The following HS3ST2 variants were observed in gnomAD, a reference collection of about 807,000 sequenced individuals.
HS3ST2 encodes heparan sulfate-glucosamine 3-sulfotransferase 2, also known as heparan sulfate glucosamine 3-O-sulfotransferase 2.
In HS3ST2, 17 loss-of-function variants were observed where a neutral mutation model predicts 26.3. The ratio of observed to expected loss-of-function variants is 0.65; its 90% CI spans 0.44 to 0.97. The LOEUF is 0.97. HS3ST2 is among the 50% of genes least tolerant of loss of function. HS3ST2 has a pLI of 0.00. For missense variants in HS3ST2, 402 were observed against 501.2 expected (o/e 0.80, Z 1.89); for synonymous variants, 237 against 219.2 (o/e 1.08, Z -0.72).
At chr16:22,891,284 C>A (rs117384048) in intron 1 of HS3ST2, among the ~76,000 whole-genome samples, 1 of 152,192 alleles carries the variant, frequency 6.6e-6, no homozygotes, top group East Asian at 1.9e-4. Flanking sequence ...GCGCCTACTA[C>A]GCATCAGAAC....
chr16:22,814,770 C>A lies in HS3ST2; in HGVS notation c.160C>A (p.Arg54Ser), dbSNP rs1900831989. ...TCGGAGCCGCCTCCTCGGCGCGCCT[C>A]GCTGCCTCCGCGGCCCCAGCGCGGG... Reference protein sequence around the residue: ...LGRSRLLGAPRCLRGPSAGGQ... With the variant: ...LGRSRLLGAPSCLRGPSAGGQ... The change falls in exon 1 of 2, where the codon CGC (arginine) becomes AGC (serine). Residue 54 changes from arginine to serine, a missense_variant. Transcript: ENST00000261374. 3 of 1,603,292 alleles carry A rather than the reference C, an allele frequency of 1.9e-6. No individual in the cohort carries two copies. The highest frequency in any genetic ancestry group is 8.5e-7 in the Non-Finnish European group (1 of 1,176,378).
chr16:22,857,705 TC>T (rs112654683), intron 1 of HS3ST2, among the ~76,000 whole-genome samples: 3 of 152,342 alleles, frequency 2.0e-5, no homozygotes, highest in African/African-American at 4.8e-5. Flanking sequence ...AATTTTTTTT[TC>T]CTGCTGGTTT....
At chr16:22,868,499 T>G (rs930992205) in intron 1 of HS3ST2, among the ~76,000 whole-genome samples, 7 of 151,136 alleles carry the variant, frequency 4.6e-5, no homozygotes, top group African/African-American at 1.7e-4. Flanking sequence ...TTATACAAGA[T>G]CTTCATTTTT....
chr16:22,895,217 G>A (rs946662884), intron 1 of HS3ST2, among the ~76,000 whole-genome samples: 1 of 151,940 alleles, frequency 6.6e-6, no homozygotes, highest in African/African-American at 2.4e-5. Flanking sequence ...AGCCTCCCGA[G>A]TAGCTGGGAT....
chr16:22,859,395 C>T (rs1901645720), intron 1 of HS3ST2, among the ~76,000 whole-genome samples: 1 of 152,120 alleles, frequency 6.6e-6, no homozygotes, highest in Non-Finnish European at 1.5e-5. Context: ...GATATTGGGG[C>T]CTCACACGTT....
chr16:22,910,037 C>CAA (rs774757407), intron 1 of HS3ST2, among the ~76,000 whole-genome samples: 11,205 of 96,994 alleles, frequency 0.12, 1,297 homozygotes, highest in East Asian at 0.35. Flanking sequence ...AACTCCATCT[C>CAA]AAAAAAAAAA....
chr16:22,865,885 C>A (rs1353126337), intron 1 of HS3ST2, among the ~76,000 whole-genome samples: 1 of 152,002 alleles, frequency 6.6e-6, no homozygotes, highest in Non-Finnish European at 1.5e-5. Context: ...TATTAGCATG[C>A]CTCATAATAT....
At chr16:22,883,332 T>A (rs997799000) in intron 1 of HS3ST2, among the ~76,000 whole-genome samples, 1 of 151,962 alleles carries the variant, frequency 6.6e-6, no homozygotes, top group Admixed American at 6.6e-5. Flanking sequence ...CCAGAAAAAA[T>A]TGGAGAGGCC....
chr16:22,867,391 A>G (rs1901771883), intron 1 of HS3ST2, among the ~76,000 whole-genome samples: 1 of 152,242 alleles, frequency 6.6e-6, no homozygotes, highest in African/African-American at 2.4e-5. Flanking sequence ...CTACATAAAA[A>G]TGTAAAATAT....
chr16:22,845,774 C>T (rs1205675225), intron 1 of HS3ST2, among the ~76,000 whole-genome samples: 1 of 152,196 alleles, frequency 6.6e-6, no homozygotes, highest in East Asian at 1.9e-4. Context: ...ACACAAGAAG[C>T]AACTTAGTAG....
intron 1 of HS3ST2, among the ~76,000 whole-genome samples, chr16:22,815,666 C>T (rs139318814): frequency 7.0e-4 from 106 of 152,220 alleles, no homozygotes; most frequent in African/African-American, 2.4e-3. Context: ...GGGGCTGAGA[C>T]CCCCAGTAGC....
intron 1 of HS3ST2, among the ~76,000 whole-genome samples, chr16:22,824,661 G>A (rs973472635): frequency 5.3e-5 from 8 of 152,192 alleles, no homozygotes; most frequent in African/African-American, 1.9e-4. Context: ...GATCAAGAGC[G>A]GAAGACAATG....
chr16:22,822,407 A>C (rs909172742), intron 1 of HS3ST2, among the ~76,000 whole-genome samples: 1 of 152,058 alleles, frequency 6.6e-6, no homozygotes, highest in Non-Finnish European at 1.5e-5. Context: ...GGCTCAAGCA[A>C]TCCTTCTGCC....
At chr16:22,914,736 C>CAAAAAAAAAAAAAAAA (rs1159639879) in intron 1 of HS3ST2, among the ~76,000 whole-genome samples, 4 of 35,942 alleles carry the variant, frequency 1.1e-4, no homozygotes, top group East Asian at 2.0e-3. Context: ...GACCTTGTCT[C>CAAAAAAAAAAAAAAAA]AAAAAAAAAA....
chr16:22,865,709 A>C (rs1219854981), intron 1 of HS3ST2, among the ~76,000 whole-genome samples: 2 of 152,228 alleles, frequency 1.3e-5, no homozygotes, highest in Non-Finnish European at 2.9e-5. Flanking sequence ...CTCTGACAAC[A>C]AACTCTGAAT....
At chr16:22,914,606 G>GAGATGGGAAGATGGGAAGATGGGA (rs527516995) in intron 1 of HS3ST2, among the ~76,000 whole-genome samples, 7 of 148,978 alleles carry the variant, frequency 4.7e-5, no homozygotes, top group East Asian at 4.0e-4. Flanking sequence ...TTGGGAGGCT[G>GAGATGGGAAGATGGGAAGATGGGA]AGATGGGAAG....
At chr16:22,909,997 A>G (rs532072513) in intron 1 of HS3ST2, among the ~76,000 whole-genome samples, 1 of 143,250 alleles carries the variant, frequency 7.0e-6, no homozygotes, top group Admixed American at 7.5e-5. Context: ...AGATTGTGCC[A>G]TTGCACTCCA....
intron 1 of HS3ST2, among the ~76,000 whole-genome samples, chr16:22,829,213 C>A (rs1901134477): frequency 6.6e-6 from 1 of 152,166 alleles, no homozygotes; most frequent in Admixed American, 6.5e-5. Context: ...GAGCTCCTAT[C>A]CCATGGAGAA....
intron 1 of HS3ST2, among the ~76,000 whole-genome samples, chr16:22,909,505 C>A (rs1476562432): frequency 6.6e-6 from 1 of 152,182 alleles, no homozygotes. Flanking sequence ...CCAATGTGCA[C>A]AGGGCATGGG....
Sources: gnomAD v4.1 joint callset for allele counts (sites outside exome capture counted in the v4.1 genomes callset) on GRCh38, gnomAD v4.1.1 for gene constraint, MANE v1.5 for transcripts, NCBI Gene and HGNC (gene_info 2026-07-23, HGNC 2026-07-21) for gene names.